Variants in DPYD observed in about 807,000 individuals in gnomAD.
The protein encoded by DPYD is dihydropyrimidine dehydrogenase [NADP(+)].
Under a neutral mutation model 116.2 loss-of-function variants are expected in DPYD, and 109 were observed. The ratio of observed to expected loss-of-function variants is 0.94; its 90% CI spans 0.80 to 1.10. The LOEUF is 1.10. DPYD is among the 50% of genes least tolerant of loss of function. DPYD has a pLI of 0.00. For synonymous variants in DPYD, 440 were observed against 432.0 expected, an observed-to-expected ratio of 1.02 and a Z score of -0.23; for missense variants, 1,302 against 1,254.5, an observed-to-expected ratio of 1.04 and a Z score of -0.57.
At chr1:97,422,275 G>A (rs1031371149) in intron 14 of DPYD, among the ~76,000 whole-genome samples, 5 of 152,198 alleles carry the variant, frequency 3.3e-5, no homozygotes, top group Admixed American at 1.3e-4. Context: ...ACTTATTAGC[G>A]AGAGTTTTAC....
rs756568644 is a variant in DPYD, at chr1:97,704,664, A to AT, written c.484-5118dup. On this transcript the variant is annotated intron_variant, in intron 5 of 22. Transcript: ENST00000370192. ...ACTTACAGTATCAAATTCCTAAGAG[A>AT]TTTTTTCTTAGAATATAGTTCCCTA... 6.6e-5 allele frequency among the ~76,000 whole-genome samples: 10 copies of AT among 152,066 alleles called. No homozygotes were observed. The East Asian group carries it at 7.7e-4, about 12-fold the overall frequency.
chr1:97,557,532 T>C, intron 11 of DPYD, among the ~76,000 whole-genome samples: 1 of 152,142 alleles, frequency 6.6e-6, no homozygotes, highest in Middle Eastern at 3.4e-3. Context: ...GCCAGGCTGG[T>C]CTCAAACTCC....
intron 11 of DPYD, among the ~76,000 whole-genome samples, chr1:97,552,591 T>C (rs548355862): frequency 2.0e-5 from 3 of 152,222 alleles, no homozygotes; most frequent in East Asian, 1.9e-4. Flanking sequence ...ATAATACTCA[T>C]GTATACTTTT....
At chr1:97,169,812 T>C (rs1442467304) in intron 20 of DPYD, among the ~76,000 whole-genome samples, 1 of 152,150 alleles carries the variant, frequency 6.6e-6, no homozygotes, top group African/African-American at 2.4e-5. Context: ...ACTTATGCTC[T>C]GCCTTGGATT....
At chr1:97,774,026 G>A (rs1040013819) in intron 3 of DPYD, among the ~76,000 whole-genome samples, 5 of 152,182 alleles carry the variant, frequency 3.3e-5, no homozygotes, top group Non-Finnish European at 7.3e-5. Context: ...GTTCACTGGA[G>A]CTTTGGGAGC....
At chr1:97,380,465 A>T (rs1671890557) in intron 15 of DPYD, among the ~76,000 whole-genome samples, 1 of 152,220 alleles carries the variant, frequency 6.6e-6, no homozygotes, top group Non-Finnish European at 1.5e-5. Flanking sequence ...AGAACATGAA[A>T]TGCATGTGCA....
chr1:97,800,282 C>G (rs1390449575), intron 3 of DPYD, among the ~76,000 whole-genome samples: 1 of 151,880 alleles, frequency 6.6e-6, no homozygotes, highest in Non-Finnish European at 1.5e-5. Flanking sequence ...TATCTATTTA[C>G]TTCAAGTTTT....
At chr1:97,258,154 G>A (rs142681788) in intron 18 of DPYD, among the ~76,000 whole-genome samples, 3 of 152,128 alleles carry the variant, frequency 2.0e-5, no homozygotes, top group East Asian at 1.9e-4. Flanking sequence ...ATGGAGAGTG[G>A]GGCAGATATT....
chr1:97,537,888 A>G (rs901221127), intron 12 of DPYD, among the ~76,000 whole-genome samples: 3 of 152,186 alleles, frequency 2.0e-5, no homozygotes, highest in Non-Finnish European at 4.4e-5. Context: ...ATCACTTTTT[A>G]AAAGTTCAGG....
In DPYD at chr1:97,150,519, C is replaced by A. The variant is rs537514608; in HGVS notation, c.2622+42550G>T. On this transcript the variant is annotated intron_variant, in intron 20 of 22. Transcript: ENST00000370192. ...GGTAAAATATAATTTGCTTGGGCAA[C>A]CAGAACTATAATAAGCTCACCCAGG... 3.3e-5 allele frequency among the ~76,000 whole-genome samples: 5 copies of A among 152,326 alleles called. No individual in the cohort carries two copies. The South Asian group carries it at 1.0e-3, about 32-fold the overall frequency.
At chr1:97,382,514 A>C in intron 14 of DPYD, 53 bp from the exon 15 acceptor site, 2 of 1,027,852 alleles carry the variant, frequency 1.9e-6, no homozygotes, top group Non-Finnish European at 2.9e-6. Flanking sequence ...CCAGTTGTAC[A>C]CAAAGATATA....
At chr1:97,782,145 TTC>T (rs1666781327) in intron 3 of DPYD, among the ~76,000 whole-genome samples, 1 of 152,168 alleles carries the variant, frequency 6.6e-6, no homozygotes, top group Non-Finnish European at 1.5e-5. Flanking sequence ...CCTTTTTCTG[TTC>T]TCTCTCTTCC....
At chr1:97,749,251 T>G (rs1664735116) in intron 3 of DPYD, among the ~76,000 whole-genome samples, 1 of 152,236 alleles carries the variant, frequency 6.6e-6, no homozygotes, top group African/African-American at 2.4e-5. Flanking sequence ...TATACATTGC[T>G]TTCTCTTCTT....
intron 12 of DPYD, among the ~76,000 whole-genome samples, chr1:97,531,189 C>G (rs1315019196): frequency 6.6e-6 from 1 of 152,090 alleles, no homozygotes; most frequent in Admixed American, 6.5e-5. Flanking sequence ...AAATTATTGC[C>G]AAAACCAATG....
At position 97,318,784 on chromosome 1, in the gene DPYD, T is replaced by C. The variant is rs1355076296; in HGVS notation, c.2059-12487A>G. 3.3e-5 allele frequency among the ~76,000 whole-genome samples: 5 copies of C among 149,338 alleles called. No homozygotes were observed. In the South Asian group the frequency reaches 6.5e-4, roughly 19 times the overall value. On this transcript the variant is annotated intron_variant, in intron 16 of 22. Transcript: ENST00000370192. ...CCAAATCAACAGAATATACATTTTT[T>C]TCAGCACCACACCACACCTATTCCA...
At chr1:97,748,281 G>C (rs1040328174) in intron 3 of DPYD, among the ~76,000 whole-genome samples, 26 of 152,074 alleles carry the variant, frequency 1.7e-4, no homozygotes, top group African/African-American at 6.0e-4. Flanking sequence ...TAGATAGATA[G>C]AATGAAGATA....
At chr1:97,677,554 T>C (rs1362091288) in intron 8 of DPYD, among the ~76,000 whole-genome samples, 1 of 152,254 alleles carries the variant, frequency 6.6e-6, no homozygotes, top group African/African-American at 2.4e-5. Context: ...AAGTCAAATA[T>C]AGTATGCCTA....
intron 8 of DPYD, among the ~76,000 whole-genome samples, chr1:97,614,329 T>C (rs913656972): frequency 6.6e-6 from 1 of 152,154 alleles, no homozygotes; most frequent in Non-Finnish European, 1.5e-5. Context: ...TTCTGATGAA[T>C]AATTTAAATA....
intron 5 of DPYD, chr1:97,719,786 T>G: frequency 1.0e-6 from 1 of 984,880 alleles, no homozygotes; most frequent in Non-Finnish European, 1.2e-6. Flanking sequence ...ACATTTTTAA[T>G]TTATAATTTG....
Sources: gnomAD v4.1 joint callset for allele counts (sites outside exome capture counted in the v4.1 genomes callset) on GRCh38, gnomAD v4.1.1 for gene constraint, MANE v1.5 for transcripts, NCBI Gene and HGNC (gene_info 2026-07-23, HGNC 2026-07-21) for gene names.